The following ANKRD39 variants were observed in gnomAD, a reference collection of about 807,000 sequenced individuals.
The protein encoded by ANKRD39 is ankyrin repeat domain 39.
ANKRD39 carries 18 observed loss-of-function variants against 20.3 expected under a neutral mutation model. The observed-to-expected ratio is 0.89, with a 90% confidence interval of 0.61 to 1.32. The LOEUF is 1.32. ANKRD39 is among the 40% of genes most tolerant of loss of function. The pLI is 0.00. For synonymous variants in ANKRD39, 106 were observed against 111.9 expected, an observed-to-expected ratio of 0.95 and a Z score of 0.33; for missense variants, 243 against 250.7, an observed-to-expected ratio of 0.97 and a Z score of 0.21.
chr2:96,853,560 C>T lies in ANKRD39; in HGVS notation c.249G>A (p.Leu83=). 1 of 1,612,796 alleles carries T rather than the reference C, an allele frequency of 6.2e-7. No homozygotes were observed. The highest frequency in any genetic ancestry group is 8.5e-7 in the Non-Finnish European group (1 of 1,180,002). The change falls in exon 3 of 4, where the codon CTG becomes CTA. Residue 83 remains leucine, a synonymous_variant. Transcript: ENST00000393537. ...RNGHYAVCQF[L]LESGAKCDAQ... The stretch of plus-strand genomic sequence containing the variant: ...CATCACACTTAGCTCCGCTTTCCAG[C>T]AGGAACTGGCACACAGCGTAGTGCC...
chr2:96,849,834 C>T (rs2079828177), intron 3 of ANKRD39, among the ~76,000 whole-genome samples: 1 of 152,140 alleles, frequency 6.6e-6, no homozygotes, highest in African/African-American at 2.4e-5. Flanking sequence ...GCCTAGTTCC[C>T]TGTGTTCTCT....
intron 3 of ANKRD39, 65 bp from the exon 4 acceptor site, chr2:96,848,509 C>T (rs536699823): frequency 1.9e-6 from 3 of 1,586,118 alleles, no homozygotes; most frequent in South Asian, 1.1e-5. Context: ...TCTCTTGTTC[C>T]ACTTTCAGTG....
chr2:96,850,623 C>T (rs537743227), intron 3 of ANKRD39, among the ~76,000 whole-genome samples: 28 of 152,016 alleles, frequency 1.8e-4, no homozygotes, highest in Middle Eastern at 3.4e-3. Flanking sequence ...TGAGATTGTG[C>T]CACTGCACTC....
At position 96,857,924 on chromosome 2, in the gene ANKRD39, C is replaced by A; in HGVS notation, c.64G>T (p.Val22Leu). Residue 22 changes from valine to leucine, a missense_variant, in exon 1 of 4, where the codon GTA becomes TTA. Val to Leu is a conservative substitution (Grantham distance 32). Transcript: ENST00000393537. ...TCCATCTCCTCCAGCGTCTGCTGTA[C>A]GCCGAGCACCGCGCTGGGATGCGAG... Reference protein sequence around the residue: ...CCSHPSAVLGVQQTLEEMDFE... With the variant: ...CCSHPSAVLGLQQTLEEMDFE... The A allele has an allele frequency of 6.3e-7, 1 of 1,583,908 alleles. No individual in the cohort carries two copies.
intron 2 of ANKRD39, 131 bp downstream of exon 2, chr2:96,854,207 G>C (rs1429895829): frequency 1.1e-6 from 1 of 928,040 alleles, no homozygotes; most frequent in Non-Finnish European, 1.6e-6. Flanking sequence ...TGCTTAAAAA[G>C]AGAAATTTTG....
At chr2:96,856,622 A>C (rs79613912) in intron 1 of ANKRD39, among the ~76,000 whole-genome samples, 61 of 152,298 alleles carry the variant, frequency 4.0e-4, no homozygotes, top group African/African-American at 1.2e-3. Flanking sequence ...CCATGTATAC[A>C]GCATCTCTCA....
intron 1 of ANKRD39, among the ~76,000 whole-genome samples, chr2:96,856,411 G>C: frequency 6.7e-6 from 1 of 150,228 alleles, no homozygotes; most frequent in East Asian, 2.0e-4. Flanking sequence ...GGAGGCTGCA[G>C]TGAGCCGAGA....
chr2:96,854,704 G>C (rs1215598272), intron 1 of ANKRD39, among the ~76,000 whole-genome samples: 1 of 152,184 alleles, frequency 6.6e-6, no homozygotes, highest in Non-Finnish European at 1.5e-5. Context: ...CAGAAGTGCT[G>C]GATGAAGTAA....
Position 96,848,280 on chromosome 2 carries a change from A to AC in ANKRD39, c.*20_*21insG, listed in dbSNP as rs774385832. On this transcript the variant is annotated 3_prime_UTR_variant, in exon 4 of 4. Coordinates refer to ENST00000393537, the MANE Select transcript of ANKRD39 (RefSeq NM_016466.6). Reference sequence around the variant, plus strand: ...ACTGGTCTGTGTACCCTTTAAAGGCAGCTGGAGATAGGGTGGCGGCTCAGC... The same window carrying AC: ...ACTGGTCTGTGTACCCTTTAAAGGCACGCTGGAGATAGGGTGGCGGCTCAGC... 57 of 1,613,478 alleles carry AC rather than the reference A, an allele frequency of 3.5e-5. No homozygotes were observed. In the East Asian group the frequency reaches 1.3e-3, roughly 36 times the overall value.
intron 3 of ANKRD39, among the ~76,000 whole-genome samples, chr2:96,852,977 G>A (rs2079845660): frequency 6.6e-6 from 1 of 152,170 alleles, no homozygotes. Flanking sequence ...ATGAGGAGCT[G>A]GGTGGGAGGG....
At position 96,853,432 on chromosome 2, in the gene ANKRD39, A is replaced by AC. The variant is rs2079847841; in HGVS notation, c.376dup (p.Val126GlyfsTer3). The AC allele has an allele frequency of 6.3e-7, 1 of 1,589,698 alleles. No individual in the cohort carries two copies. The highest frequency in any genetic ancestry group is 1.1e-5 in the South Asian group (1 of 87,576). ...CAGACTGGTCATGCCGTCGTCATCCACCACCCTGGGGTTGGACCCATGTGA... is the reference window on the plus strand; with the variant it reads ...CAGACTGGTCATGCCGTCGTCATCCACCCACCCTGGGGTTGGACCCATGTGA... On this transcript the variant is annotated frameshift_variant, in exon 3 of 4. Coordinates refer to ENST00000393537, the MANE Select transcript of ANKRD39 (RefSeq NM_016466.6). LOFTEE classifies it high-confidence loss of function.
rs768226230 is a variant in ANKRD39 at position 96,858,016 on chromosome 2, C to G, written c.-29G>C. The G allele has an allele frequency of 3.3e-6, 5 of 1,506,782 alleles. No individual in the cohort carries two copies. Among genetic ancestry groups the G allele is most frequent in the East Asian group, 5.2e-5 (2 of 38,120 alleles). The allele number at this position is 1,506,782 out of a possible 1,614,324, so 93.3% of individuals were successfully genotyped here. On this transcript the variant is annotated 5_prime_UTR_variant, in exon 1 of 4. Coordinates refer to ENST00000393537, the MANE Select transcript of ANKRD39 (RefSeq NM_016466.6). ...GGCCCCGGCGTCAGTCGATCCGCCCCGGGTCTCAGGCTCAGCCTCGGCGGG... is the reference window on the plus strand; with the variant it reads ...GGCCCCGGCGTCAGTCGATCCGCCCGGGGTCTCAGGCTCAGCCTCGGCGGG...
chr2:96,855,972 T>TCAACAACAACAACAACAACAAAACAACAA (rs1553486056), intron 1 of ANKRD39, among the ~76,000 whole-genome samples: 1 of 151,422 alleles, frequency 6.6e-6, no homozygotes, highest in African/African-American at 2.4e-5. Context: ...AGACTCCGAC[T>TCAACAACAACAACAACAACAAAACAACAA]CAACAACAAC....
rs765211350 is a variant in ANKRD39, at chr2:96,848,477, A to AC, written c.409-34dup. 121 of 1,609,936 alleles carry AC rather than the reference A, an allele frequency of 7.5e-5. No individual in the cohort carries two copies. The Middle Eastern group carries it at 9.9e-4, about 13-fold the overall frequency. On this transcript the variant is annotated intron_variant, in intron 3 of 3. Coordinates refer to ENST00000393537, the MANE Select transcript of ANKRD39 (RefSeq NM_016466.6). ...GAGAAAGGCTGGAATCAAAGGGCAT[A>AC]CCCCCCCACTGGGCTCTGCTCTCTC... is the stretch of plus-strand genomic sequence containing the variant.
chr2:96,851,669 G>A lies in ANKRD39; in HGVS notation c.408+1732C>T, dbSNP rs140442797. Among the ~76,000 whole-genome samples, 16 of 152,246 alleles carry A rather than the reference G, an allele frequency of 1.1e-4. No homozygotes were observed. In the East Asian group the frequency reaches 3.1e-3, roughly 29 times the overall value. ...CAGACCCCAAACAGGGAATTTCCAG[G>A]GGTACAGGAATTAGGAAAAGTTGAG... On this transcript the variant is annotated intron_variant, in intron 3 of 3. Transcript: ENST00000393537.
intron 2 of ANKRD39, 56 bp downstream of exon 2, chr2:96,854,282 G>A (rs1489393568): frequency 1.3e-6 from 2 of 1,530,840 alleles, no homozygotes; most frequent in Non-Finnish European, 1.8e-6. Flanking sequence ...TCAGAGAGCA[G>A]GTGTCTCCTG....
At chr2:96,851,893 T>C (rs2079839767) in intron 3 of ANKRD39, among the ~76,000 whole-genome samples, 1 of 151,944 alleles carries the variant, frequency 6.6e-6, no homozygotes, top group African/African-American at 2.4e-5. Context: ...AGTAGTAGGT[T>C]CAAGAAAATT....
In ANKRD39 at chr2:96,857,993, C is replaced by T. The variant is rs1416992851; in HGVS notation, c.-6G>A. 6.6e-6 allele frequency: 10 copies of T among 1,524,998 alleles called. No homozygotes were observed. Among genetic ancestry groups the T allele is most frequent in the Non-Finnish European group, 8.7e-6 (10 of 1,142,988 alleles). 94.5% of individuals were successfully genotyped at this position (1,524,998 alleles called of 1,614,324 possible). ...CAGGGCCGAGGCGTCGCCATCCCGG[C>T]CCCGGCGTCAGTCGATCCGCCCCGG... On this transcript the variant is annotated 5_prime_UTR_variant, in exon 1 of 4. Transcript: ENST00000393537.
At position 96,853,550 on chromosome 2, in the gene ANKRD39, C is replaced by T. The variant is rs374011690; in HGVS notation, c.259G>A (p.Gly87Arg). Residue 87 changes from glycine to arginine, a missense_variant, in exon 3 of 4, where the codon GGA becomes AGA. By Grantham distance (125) the Gly-to-Arg change is moderately radical. Coordinates refer to ENST00000393537, the MANE Select transcript of ANKRD39 (RefSeq NM_016466.6). ...YAVCQFLLES[G>R]AKCDAQTHGG... ...TGGGTCTGGGCATCACACTTAGCTC[C>T]GCTTTCCAGCAGGAACTGGCACACA... 2.5e-5 allele frequency: 41 copies of T among 1,612,850 alleles called. No individual in the cohort carries two copies. The highest frequency in any genetic ancestry group is 3.1e-5 in the Non-Finnish European group (36 of 1,180,000).
Sources: gnomAD v4.1 joint callset for allele counts (sites outside exome capture counted in the v4.1 genomes callset) on GRCh38, gnomAD v4.1.1 for gene constraint, MANE v1.5 for transcripts, NCBI Gene and HGNC (gene_info 2026-07-23, HGNC 2026-07-21) for gene names.